ABCC1: variants seen among roughly 807,000 people sequenced by gnomAD.
ABCC1 encodes the protein ATP binding cassette subfamily C member 1 (ABCC1 blood group).
In ABCC1, 83 loss-of-function variants were observed where a neutral mutation model predicts 172.9. That is an observed-to-expected ratio of 0.48 (90% CI 0.40 to 0.58). The LOEUF is 0.58. ABCC1 is among the 20% of genes least tolerant of loss of function. The pLI is 0.00. For synonymous variants in ABCC1, 937 were observed against 825.2 expected (o/e 1.14, Z -2.32); for missense variants, 1,817 against 2,002.7 (o/e 0.91, Z 1.77).
At chr16:15,976,726 A>T (rs950017347) in intron 1 of ABCC1, among the ~76,000 whole-genome samples, 31 of 152,180 alleles carry the variant, frequency 2.0e-4, no homozygotes, top group Admixed American at 5.9e-4. Flanking sequence ...AGTAGTGATA[A>T]TACTATGGTA....
Position 16,131,863 on chromosome 16 carries a change from C to G in ABCC1, c.3894C>G (p.Tyr1298Ter). 1 of 1,614,222 alleles carries G rather than the reference C, an allele frequency of 6.2e-7. No individual in the cohort carries two copies. Among genetic ancestry groups the G allele is most frequent in the Non-Finnish European group, 8.5e-7 (1 of 1,180,036 alleles). ...PQVGRVEFRN[Y>*]CLRYREDLDF... ...TGGGCCGAGTGGAATTCCGGAACTACTGCCTGCGCTACCGAGAGGACCTGG... is the reference window on the plus strand; with the variant it reads ...TGGGCCGAGTGGAATTCCGGAACTAGTGCCTGCGCTACCGAGAGGACCTGG... The change falls in exon 27 of 31, where the codon TAC becomes TAG. Residue 1298 changes from tyrosine to a stop codon, truncating the protein, a stop_gained. Transcript: ENST00000399410. LOFTEE classifies it high-confidence loss of function.
At chr16:15,980,927 T>C (rs1482908934) in intron 1 of ABCC1, among the ~76,000 whole-genome samples, 1 of 152,046 alleles carries the variant, frequency 6.6e-6, no homozygotes, top group Admixed American at 6.6e-5. Flanking sequence ...ACAATAGGAG[T>C]ACAAGCATTG....
chr16:16,100,792 T>C (rs1048715087), intron 19 of ABCC1, among the ~76,000 whole-genome samples: 4 of 152,062 alleles, frequency 2.6e-5, no homozygotes, highest in Non-Finnish European at 5.9e-5. Flanking sequence ...CAAATGAAGG[T>C]TGGGTCTGCT....
chr16:15,961,678 C>T (rs370163904), intron 1 of ABCC1, among the ~76,000 whole-genome samples: 1 of 151,782 alleles, frequency 6.6e-6, no homozygotes. Flanking sequence ...ATTTTAAATA[C>T]TGTTTTGTCT....
intron 1 of ABCC1, among the ~76,000 whole-genome samples, chr16:15,994,849 C>T (rs370626066): frequency 6.6e-6 from 1 of 151,368 alleles, no homozygotes; most frequent in Non-Finnish European, 1.5e-5. Flanking sequence ...CTGCAACCTC[C>T]GCCTCCTGGG....
At chr16:16,124,315 CTGTGTGTG>C (rs11270322) in intron 24 of ABCC1, among the ~76,000 whole-genome samples, 1 of 36,796 alleles carries the variant, frequency 2.7e-5, no homozygotes, top group African/African-American at 8.7e-5. Flanking sequence ...TGTTAATGCA[CTGTGTGTG>C]TGTGTGTGTG....
chr16:16,097,640 C>A (rs1489485222), intron 19 of ABCC1, among the ~76,000 whole-genome samples: 1 of 152,154 alleles, frequency 6.6e-6, no homozygotes, highest in Non-Finnish European at 1.5e-5. Context: ...CCTCTCAGGT[C>A]TGCTTTAGAA....
intron 19 of ABCC1, among the ~76,000 whole-genome samples, chr16:16,101,726 T>C (rs995861309): frequency 6.6e-5 from 10 of 152,294 alleles, no homozygotes; most frequent in South Asian, 2.1e-4. Context: ...CACTGAGTTA[T>C]TGTGAACCGG....
intron 18 of ABCC1, among the ~76,000 whole-genome samples, chr16:16,089,687 TG>T (rs2051159497): frequency 6.6e-6 from 1 of 152,000 alleles, no homozygotes; most frequent in Non-Finnish European, 1.5e-5. Context: ...CTGGGCAACA[TG>T]GTGAAACGCC....
intron 6 of ABCC1, among the ~76,000 whole-genome samples, chr16:16,035,600 G>A (rs192721814): frequency 6.7e-6 from 1 of 150,308 alleles, no homozygotes; most frequent in Non-Finnish European, 1.5e-5. Flanking sequence ...GAGCAATCCT[G>A]CCACCTCAGC....
At chr16:16,078,643 T>C (rs1461380121) in intron 15 of ABCC1, among the ~76,000 whole-genome samples, 2 of 152,196 alleles carry the variant, frequency 1.3e-5, no homozygotes, top group Non-Finnish European at 2.9e-5. Flanking sequence ...CATGTTTCTG[T>C]GTGTGGGACA....
Position 16,014,643 on chromosome 16 carries a change from C to G in ABCC1, c.489+15C>G, listed in dbSNP as rs1457886093. The G allele has an allele frequency of 6.2e-7, 1 of 1,612,718 alleles. No homozygotes were observed. On this transcript the variant is annotated intron_variant, in intron 4 of 30. Transcript: ENST00000399410. Reference sequence around the variant, plus strand: ...CCTTAAAAGAGGTAAGTGGCAGTCTCCTTCCTCATCTTCCTTCAGTGGACC... The same window carrying G: ...CCTTAAAAGAGGTAAGTGGCAGTCTGCTTCCTCATCTTCCTTCAGTGGACC...
chr16:16,065,309 C>T (rs1488578290), intron 12 of ABCC1, among the ~76,000 whole-genome samples: 1 of 152,186 alleles, frequency 6.6e-6, no homozygotes, highest in Non-Finnish European at 1.5e-5. Context: ...GTTACCCAGG[C>T]TGGTGCGGGG....
chr16:16,006,341 C>T (rs1295871499), intron 1 of ABCC1, among the ~76,000 whole-genome samples: 1 of 151,852 alleles, frequency 6.6e-6, no homozygotes, highest in Non-Finnish European at 1.5e-5. Context: ...ACTGCTTGAG[C>T]CCAAAAGTTC....
intron 1 of ABCC1, among the ~76,000 whole-genome samples, chr16:15,970,846 C>T (rs532502823): frequency 1.3e-5 from 2 of 152,306 alleles, no homozygotes; most frequent in Admixed American, 6.5e-5. Context: ...CTTCTTGCCT[C>T]GGCCTCCGAA....
intron 17 of ABCC1, 107 bp from the exon 18 acceptor site, chr16:16,086,717 C>T (rs892779113): frequency 7.7e-7 from 1 of 1,296,884 alleles, no homozygotes; most frequent in Non-Finnish European, 1.1e-6. Flanking sequence ...AGTCCTTCCA[C>T]CTTGGCCTCC....
chr16:16,019,662 C>T (rs548983042), intron 5 of ABCC1, among the ~76,000 whole-genome samples: 3 of 152,186 alleles, frequency 2.0e-5, no homozygotes, highest in East Asian at 1.9e-4. Flanking sequence ...TTTCACTTCT[C>T]CCCTGGGCGT....
At position 16,044,666 on chromosome 16, in the gene ABCC1, G is replaced by T. The variant is rs1015672175; in HGVS notation, c.1026G>T (p.Gly342=). The change falls in exon 8 of 31, where the codon GGG becomes GGT. Residue 342 remains glycine, a synonymous_variant. Coordinates refer to ENST00000399410, the MANE Select transcript of ABCC1 (RefSeq NM_004996.4). ...TCCACGACCTGATGATGTTTTCCGG[G>T]CCGCAGATCTTAAAGTAAGACCCCT... ...KAIHDLMMFS[G]PQILKLLIKF... 5.0e-6 allele frequency: 8 copies of T among 1,613,930 alleles called. No individual in the cohort carries two copies. The African/African-American group carries it at 9.3e-5, about 19-fold the overall frequency.
chr16:15,954,795 G>C lies in ABCC1; in HGVS notation c.48+4996G>C, dbSNP rs377536381. On this transcript the variant is annotated intron_variant, in intron 1 of 30. Transcript: ENST00000399410. ...TCGCCTTTGGGACCTGGTGGTAGATGGGGGGGAAGAAAACCTTTTCTGTTT... is the reference window on the plus strand; with the variant it reads ...TCGCCTTTGGGACCTGGTGGTAGATCGGGGGGAAGAAAACCTTTTCTGTTT... Among the ~76,000 whole-genome samples the C allele has an allele frequency of 7.2e-5, 11 of 152,040 alleles. No individual in the cohort carries two copies. In the South Asian group the frequency reaches 8.3e-4, roughly 12 times the overall value.
Sources: allele counts gnomAD v4.1 joint callset (sites outside exome capture counted in the v4.1 genomes callset), GRCh38; gene constraint gnomAD v4.1.1; transcripts MANE v1.5; gene names NCBI Gene and HGNC (gene_info 2026-07-23, HGNC 2026-07-21).